VPS13C: variants seen among roughly 807,000 people sequenced by gnomAD.
The protein encoded by VPS13C is intermembrane lipid transfer protein VPS13C.
VPS13C carries 358 observed loss-of-function variants against 456.8 expected under a neutral mutation model. The ratio of observed to expected loss-of-function variants is 0.78; its 90% CI spans 0.72 to 0.86. The LOEUF (loss-of-function observed/expected upper bound fraction) is 0.86, where lower values mean the gene tolerates loss of function less well. VPS13C is among the 40% of genes least tolerant of loss of function. The pLI, the probability that VPS13C is intolerant of heterozygous loss-of-function variation, is 0.00. For synonymous variants in VPS13C, 1,578 were observed against 1,486.7 expected (o/e 1.06, Z -1.41); for missense variants, 4,818 against 4,385.4 (o/e 1.10, Z -2.79).
At chr15:61,877,555 G>A (rs539976947) in intron 74 of VPS13C, among the ~76,000 whole-genome samples, 36 of 151,174 alleles carry the variant, frequency 2.4e-4, no homozygotes, top group African/African-American at 3.4e-4. Context: ...GATGCCATGC[G>A]TATGTTGAAT....
At chr15:61,990,401 T>C (rs887301942) in intron 18 of VPS13C, among the ~76,000 whole-genome samples, 3 of 152,184 alleles carry the variant, frequency 2.0e-5, no homozygotes, top group African/African-American at 7.2e-5. Context: ...TTTTTATATA[T>C]GTTATGCTTC....
chr15:62,048,583 T>G (rs1316656916), intron 1 of VPS13C, among the ~76,000 whole-genome samples: 1 of 152,002 alleles, frequency 6.6e-6, no homozygotes, highest in East Asian at 1.9e-4. Context: ...TGTGTCTTTA[T>G]AGCAGCATGA....
rs1407637140 is a variant in VPS13C, at chr15:61,941,764, T to C, written c.5452A>G (p.Arg1818Gly). 2 of 1,607,430 alleles carry C rather than the reference T, an allele frequency of 1.2e-6. No homozygotes were observed. The highest frequency in any genetic ancestry group is 1.1e-5 in the South Asian group (1 of 90,346). The change falls in exon 46 of 85, where the codon AGA becomes GGA. Residue 1818 changes from arginine to glycine, a missense_variant and splice_region_variant. Arg to Gly is a moderately radical substitution (Grantham distance 125, BLOSUM62 -2). Transcript: ENST00000644861. ...CACAATTAGATTACATATTTATACC[T>C]TGACAGCTTCAACTGAGTGAGTTCG... ...NIELTQLKLS[R>G]TILQASLPQN...
chr15:61,946,311 T>C lies in VPS13C; in HGVS notation c.4976A>G (p.Lys1659Arg), dbSNP rs753301971. The C allele has an allele frequency of 1.3e-6, 2 of 1,587,804 alleles. No homozygotes were observed. The highest frequency in any genetic ancestry group is 3.7e-5 in the Admixed American group (2 of 53,834). Residue 1659 changes from lysine to arginine, a missense_variant, in exon 44 of 85, where the codon AAA (lysine) becomes AGA (arginine). By Grantham distance (26) the Lys-to-Arg change is conservative. Around this residue, in one of 3 missense-constraint regions of VPS13C, gnomAD observed 4,552 missense variants for 4,130.6 expected, o/e 1.10. Coordinates refer to ENST00000644861, the MANE Select transcript of VPS13C (RefSeq NM_020821.3). ...VMNVDLQSIH[K>R]KAVSILGDEV... ...AAAAATCTATTTTTTAATCACCTTT[T>C]TGTGAATGGACTGCAAATCTACATT...
chr15:62,041,296 T>TA (rs1210344270), intron 3 of VPS13C, 28 bp downstream of exon 3: 28 of 1,587,308 alleles, frequency 1.8e-5, no homozygotes, highest in Non-Finnish European at 2.4e-5. Flanking sequence ...GGACCAAGAA[T>TA]AATTCAAATG....
rs1895850059 is a variant in VPS13C at position 61,881,552 on chromosome 15, T to C, written c.9776+11A>G. On this transcript the variant is annotated intron_variant, in intron 71 of 84. Transcript: ENST00000644861. ...AATTCTTTTAGAGAAACAGCAGGAA[T>C]CTTCACTTACTTGAACTGTAAGACT... The C allele has an allele frequency of 6.3e-7, 1 of 1,582,788 alleles. No homozygotes were observed. The highest frequency in any genetic ancestry group is 8.6e-7 in the Non-Finnish European group (1 of 1,168,528).
intron 66 of VPS13C, among the ~76,000 whole-genome samples, chr15:61,894,423 T>C (rs927975315): frequency 3.3e-5 from 5 of 151,834 alleles, no homozygotes; most frequent in South Asian, 2.1e-4. Flanking sequence ...CTTCAATTAA[T>C]AGAAATGGAG....
intron 15 of VPS13C, among the ~76,000 whole-genome samples, chr15:62,001,265 A>G (rs1216998740): frequency 6.6e-6 from 1 of 152,214 alleles, no homozygotes; most frequent in Non-Finnish European, 1.5e-5. Context: ...CATAATCAGA[A>G]GGACACTTGG....
intron 5 of VPS13C, among the ~76,000 whole-genome samples, chr15:62,031,552 C>G (rs1288943184): frequency 6.6e-6 from 1 of 151,916 alleles, no homozygotes; most frequent in Non-Finnish European, 1.5e-5. Flanking sequence ...TCTAAATATA[C>G]TTCCCAATTC....
In VPS13C at chr15:61,913,307, T is replaced by C; in HGVS notation, c.8550+4A>G. 1 of 1,613,156 alleles carries C rather than the reference T, an allele frequency of 6.2e-7. No individual in the cohort carries two copies. The highest frequency in any genetic ancestry group is 8.5e-7 in the Non-Finnish European group (1 of 1,179,232). ...CAAAGGTAAATAAGGAAGCAGAATC[T>C]TACCAGGTACTCCATATTGTTGGCA... On this transcript the variant is annotated splice_donor_region_variant and intron_variant, in intron 62 of 84. Coordinates refer to ENST00000644861, the MANE Select transcript of VPS13C (RefSeq NM_020821.3).
rs746605224 is a variant in VPS13C, at chr15:62,041,347, A to G, written c.164T>C (p.Phe55Ser). The G allele has an allele frequency of 1.2e-6, 2 of 1,607,452 alleles. No homozygotes were observed. Among genetic ancestry groups the G allele is most frequent in the Non-Finnish European group, 1.7e-6 (2 of 1,178,492 alleles). The change falls in exon 3 of 85, where the codon TTT becomes TCT. Residue 55 changes from phenylalanine (F) to serine (S), a missense_variant. Transcript: ENST00000644861. Reference sequence around the variant, plus strand: ...ACCAATTTGGCCAGCCTTGACTTTAAAAGGAACATCCAATTCACTCTTCAG... The same window carrying G: ...ACCAATTTGGCCAGCCTTGACTTTAGAAGGAACATCCAATTCACTCTTCAG... ...ENALSELDVP[F>S]KVKAGQIDKL...
At chr15:61,974,989 T>C (rs2045661427) in intron 24 of VPS13C, among the ~76,000 whole-genome samples, 1 of 152,106 alleles carries the variant, frequency 6.6e-6, no homozygotes, top group East Asian at 1.9e-4. Flanking sequence ...TCAGGTTTAT[T>C]TGTCTCAATA....
Position 61,983,893 on chromosome 15 carries a change from G to C in VPS13C, c.1841C>G (p.Thr614Ser). The C allele has an allele frequency of 6.2e-7, 1 of 1,614,094 alleles. No individual in the cohort carries two copies. Among genetic ancestry groups the C allele is most frequent in the Middle Eastern group, 1.7e-4 (1 of 6,060 alleles). ...TSSLLKIKFETNPEDSPADQT... is the reference protein window; with the variant it reads ...TSSLLKIKFESNPEDSPADQT... ...GTCAGCAGGACTATCCTCCGGATTG[G>C]TTTCAAATTTAATTTTAAGCAAGGA... Residue 614 changes from threonine (T) to serine (S), a missense_variant, in exon 20 of 85, where the codon ACC becomes AGC. By Grantham distance (58) the Thr-to-Ser change is moderately conservative. This residue lies in a region of VPS13C where 4,552 missense variants were observed against 4,130.6 expected (regional missense o/e 1.10). Transcript: ENST00000644861.
chr15:62,046,352 A>G (rs532349653), intron 1 of VPS13C, among the ~76,000 whole-genome samples: 1 of 152,204 alleles, frequency 6.6e-6, no homozygotes, highest in Non-Finnish European at 1.5e-5. Context: ...TAGTCATGGA[A>G]GACTAGCATG....
chr15:61,872,397 T>G (rs1895098767), intron 78 of VPS13C, among the ~76,000 whole-genome samples: 3 of 152,018 alleles, frequency 2.0e-5, no homozygotes, highest in Admixed American at 2.0e-4. Context: ...CCAAATAATA[T>G]TTACTATCTA....
In VPS13C at chr15:61,917,504, TCTA is replaced by T; in HGVS notation, c.7889_7891del (p.Val2630del). The T allele has an allele frequency of 6.2e-7, 1 of 1,614,048 alleles. No homozygotes were observed. Among genetic ancestry groups the T allele is most frequent in the Admixed American group, 1.7e-5 (1 of 60,012 alleles). On this transcript the variant is annotated inframe_deletion, in exon 60 of 85. Coordinates refer to ENST00000644861, the MANE Select transcript of VPS13C (RefSeq NM_020821.3). The stretch of plus-strand genomic sequence containing the variant: ...CACTATGAGAGGTAAGAAGCTGACT[TCTA>T]CTGATGGACACTGCAACATGCATCT...
intron 66 of VPS13C, among the ~76,000 whole-genome samples, chr15:61,895,319 A>C (rs1204284288): frequency 6.6e-6 from 1 of 152,124 alleles, no homozygotes; most frequent in Non-Finnish European, 1.5e-5. Context: ...AAGCAAGAAT[A>C]AACCAAAACC....
intron 20 of VPS13C, 159 bp downstream of exon 20, chr15:61,983,661 A>G (rs984322130): frequency 1.4e-6 from 1 of 722,328 alleles, no homozygotes; most frequent in Non-Finnish European, 2.1e-6. Context: ...AATCAAAATT[A>G]GCTGCTGAAC....
intron 81 of VPS13C, chr15:61,866,044 C>T (rs551244554): frequency 3.6e-5 from 35 of 984,496 alleles, no homozygotes; most frequent in Non-Finnish European, 3.9e-5. Flanking sequence ...TTGTTTTACT[C>T]GGTCCCTTAA....
Sources: allele counts gnomAD v4.1 joint callset (sites outside exome capture counted in the v4.1 genomes callset), GRCh38; gene constraint gnomAD v4.1.1; regional missense constraint gnomAD v4.1.1; transcripts MANE v1.5; gene names NCBI Gene and HGNC (gene_info 2026-07-23, HGNC 2026-07-21).